The following CXADR variants were observed in gnomAD, a reference collection of about 807,000 sequenced individuals.
CXADR encodes the protein coxsackievirus and adenovirus receptor.
Under a neutral mutation model 40.3 loss-of-function variants are expected in CXADR, and 20 were observed. The ratio of observed to expected loss-of-function variants is 0.50; its 90% CI spans 0.35 to 0.72. The LOEUF (loss-of-function observed/expected upper bound fraction) is 0.72. Among genes scored for constraint, CXADR ranks in the 30% least tolerant of loss-of-function variants. The probability of loss-of-function intolerance (pLI) is 0.01; values close to 1 mark genes in which losing one functional copy is unlikely to be tolerated. For synonymous variants in CXADR, 150 were observed against 161.3 expected, an observed-to-expected ratio of 0.93 and a Z score of 0.53; for missense variants, 332 against 449.1, an observed-to-expected ratio of 0.74 and a Z score of 2.36.
At chr21:17,594,250 T>C (rs2061473791), downstream of CXADR, 2 of 1,613,348 alleles carry the variant, frequency 1.2e-6, no homozygotes, top group South Asian at 1.1e-5. Flanking sequence ...GTGATTCTGA[T>C]GGCCATTCCC....
chr21:17,537,565 T>C (rs1271161752), intron 1 of CXADR, among the ~76,000 whole-genome samples: 1 of 152,156 alleles, frequency 6.6e-6, no homozygotes. Flanking sequence ...AATTCTACAA[T>C]GAGTCATGAT....
chr21:17,559,365 T>G lies in CXADR; in HGVS notation c.571+234T>G, dbSNP rs575073984. Reference sequence around the variant, plus strand: ...CTGCTAATTTTTTTTTTAAAAAATGTGTAGAGACAGGATCTCCCTGCGTTG... The same window carrying G: ...CTGCTAATTTTTTTTTTAAAAAATGGGTAGAGACAGGATCTCCCTGCGTTG... On this transcript the variant is annotated intron_variant, in intron 4 of 6. Coordinates refer to ENST00000284878, the MANE Select transcript of CXADR (RefSeq NM_001338.5). Among the ~76,000 whole-genome samples, 37 of 151,262 alleles carry G rather than the reference T, an allele frequency of 2.4e-4. No homozygotes were observed. In the East Asian group the frequency reaches 7.4e-3, roughly 30 times the overall value.
chr21:17,593,559 C>G (rs886108464), exon 8 of CXADR: 1 of 168,694 alleles, frequency 5.9e-6, no homozygotes, highest in Non-Finnish European at 1.3e-5. Flanking sequence ...AAAATTCTTA[C>G]GTTCTGTTTA....
intron 6 of CXADR, 116 bp from the exon 7 acceptor site, chr21:17,565,312 C>T (rs896474961): frequency 2.1e-5 from 17 of 814,878 alleles, no homozygotes; most frequent in Non-Finnish European, 3.2e-5. Flanking sequence ...CACACACACA[C>T]ACTTTTATAT....
At chr21:17,515,728 C>G (rs573258328) in intron 1 of CXADR, among the ~76,000 whole-genome samples, 2 of 152,234 alleles carry the variant, frequency 1.3e-5, no homozygotes, top group Non-Finnish European at 1.5e-5. Flanking sequence ...ATGGCGTGAA[C>G]CCGGGAGGCG....
intron 7 of CXADR, among the ~76,000 whole-genome samples, chr21:17,586,599 AG>A (rs1235916407): frequency 1.3e-5 from 2 of 151,444 alleles, no homozygotes; most frequent in East Asian, 3.9e-4. Context: ...GCCTCTTCTC[AG>A]TACTCCTATA....
the CXADR span, chr21:17,604,971 C>G: frequency 1.9e-6 from 3 of 1,614,084 alleles, no homozygotes; most frequent in Non-Finnish European, 2.5e-6. Context: ...AGGATCAACT[C>G]TCTGAAATTT....
chr21:17,536,809 T>C (rs573650069), intron 1 of CXADR, among the ~76,000 whole-genome samples: 6 of 152,318 alleles, frequency 3.9e-5, no homozygotes, highest in African/African-American at 1.4e-4. Flanking sequence ...TAGGCTGAAG[T>C]GCAGTGGTGT....
At chr21:17,605,165 G>A in the CXADR span, 2 of 717,660 alleles carry the variant, frequency 2.8e-6, no homozygotes, top group Non-Finnish European at 4.2e-6. Flanking sequence ...GTGAACTACA[G>A]GCACAGAGGC....
the CXADR span, among the ~76,000 whole-genome samples, chr21:17,619,601 A>AC: frequency 2.0e-5 from 3 of 151,568 alleles, no homozygotes; most frequent in Admixed American, 2.0e-4. Flanking sequence ...TGTTTCAAAA[A>AC]AAAAAAAAAG....
downstream of CXADR, among the ~76,000 whole-genome samples, chr21:17,574,543 A>G (rs1185714547): frequency 6.6e-6 from 1 of 152,230 alleles, no homozygotes; most frequent in East Asian, 1.9e-4. Flanking sequence ...GCCATGCAAC[A>G]TATAAAATGT....
chr21:17,620,094 A>C, the CXADR span, among the ~76,000 whole-genome samples: 1 of 152,208 alleles, frequency 6.6e-6, no homozygotes, highest in East Asian at 1.9e-4. Context: ...AATTTCCTTC[A>C]AGAACTTTTC....
At chr21:17,564,120 A>T (rs1033906927) in intron 6 of CXADR, among the ~76,000 whole-genome samples, 5 of 151,688 alleles carry the variant, frequency 3.3e-5, no homozygotes, top group African/African-American at 1.2e-4. Flanking sequence ...ACCAAAGATA[A>T]CTCATATACA....
the CXADR span, among the ~76,000 whole-genome samples, chr21:17,630,626 G>T: frequency 6.9e-6 from 1 of 145,622 alleles, no homozygotes; most frequent in Non-Finnish European, 1.5e-5. Context: ...TTTAAATGTA[G>T]AGAAGACTTC....
intron 7 of CXADR, among the ~76,000 whole-genome samples, chr21:17,581,790 T>G (rs1471311041): frequency 6.7e-6 from 1 of 148,648 alleles, no homozygotes; most frequent in South Asian, 2.2e-4. Flanking sequence ...AGGCTTGCAG[T>G]GAGCTCTGAC....
chr21:17,621,018 C>T, the CXADR span, among the ~76,000 whole-genome samples: 2 of 152,182 alleles, frequency 1.3e-5, no homozygotes, highest in Admixed American at 1.3e-4. Flanking sequence ...TAAAAAACCT[C>T]AGTTTTTGCT....
At position 17,567,183 on chromosome 21, in the gene CXADR, G is replaced by C. The variant is rs1003970680; in HGVS notation, c.*1491G>C. Reference sequence around the variant, plus strand: ...AAAACCTTTCCCTAGATTTTAGTAGGGAGTTGGTTTCTGTTAATATCTTTG... The same window carrying C: ...AAAACCTTTCCCTAGATTTTAGTAGCGAGTTGGTTTCTGTTAATATCTTTG... On this transcript the variant is annotated 3_prime_UTR_variant, in exon 7 of 7. Transcript: ENST00000284878. 4 of 985,064 alleles carry C rather than the reference G, an allele frequency of 4.1e-6. No homozygotes were observed. In the African/African-American group the frequency reaches 7.0e-5, roughly 17 times the overall value. 61.0% of individuals were successfully genotyped at this position (985,064 alleles called of 1,614,324 possible).
At chr21:17,590,374 A>G (rs1451151641) in intron 7 of CXADR, among the ~76,000 whole-genome samples, 2 of 152,036 alleles carry the variant, frequency 1.3e-5, no homozygotes, top group Non-Finnish European at 2.9e-5. Flanking sequence ...ATAAGGGTTA[A>G]ACATGCTTCC....
At chr21:17,528,958 T>C (rs973848488) in intron 1 of CXADR, among the ~76,000 whole-genome samples, 3 of 151,708 alleles carry the variant, frequency 2.0e-5, no homozygotes, top group Admixed American at 6.6e-5. Context: ...TCTTTGCTCC[T>C]ACTCACGGAC....
Sources: gnomAD v4.1 joint callset for allele counts (sites outside exome capture counted in the v4.1 genomes callset) on GRCh38, gnomAD v4.1.1 for gene constraint, MANE v1.5 for transcripts, NCBI Gene and HGNC (gene_info 2026-07-23, HGNC 2026-07-21) for gene names.